ZNF618: variants seen among roughly 807,000 people sequenced by gnomAD.
ZNF618 encodes the protein zinc finger protein 618.
ZNF618 carries 34 observed loss-of-function variants against 103.0 expected under a neutral mutation model. The observed-to-expected ratio is 0.33, with a 90% CI of 0.25 to 0.44. ZNF618 has a LOEUF of 0.44. Ranked by LOEUF, ZNF618 falls within the 20% of genes least tolerant of loss-of-function variation. The pLI is 1.00. For missense variants in ZNF618, 1,059 were observed against 1,295.4 expected, an observed-to-expected ratio of 0.82 and a Z score of 2.80; for synonymous variants, 551 against 542.2, an observed-to-expected ratio of 1.02 and a Z score of -0.23.
intron 13 of ZNF618, among the ~76,000 whole-genome samples, chr9:114,038,685 A>G (rs538431758): frequency 1.3e-5 from 2 of 149,910 alleles, no homozygotes; most frequent in South Asian, 2.1e-4. Context: ...TTTGGCAGTA[A>G]TAATACCAAA....
rs190795232 is a variant in ZNF618, at chr9:113,923,382, G to A, written c.34-45735G>A. Among the ~76,000 whole-genome samples, 659 of 152,260 alleles carry A rather than the reference G, an allele frequency of 4.3e-3. 2 individuals are homozygous for A. Among genetic ancestry groups the A allele is most frequent in the Non-Finnish European group, 5.7e-3 (386 of 67,992 alleles). ...TTTGCCTTGTTCCCGATCTTAGGGG[G>A]AAGACATTTAGTTTCTCTCCGTTAA... On this transcript the variant is annotated intron_variant, in intron 1 of 14. Coordinates refer to ENST00000374126, the MANE Select transcript of ZNF618 (RefSeq NM_001318042.2).
intron 1 of ZNF618, among the ~76,000 whole-genome samples, chr9:113,883,891 C>T (rs1390695793): frequency 2.1e-5 from 3 of 140,496 alleles, no homozygotes; most frequent in South Asian, 2.3e-4. Context: ...TTGAAAGCAT[C>T]TTGGGATTGA....
intron 1 of ZNF618, among the ~76,000 whole-genome samples, chr9:113,960,630 G>A (rs572864332): frequency 2.6e-5 from 4 of 152,304 alleles, no homozygotes; most frequent in South Asian, 2.1e-4. Flanking sequence ...ACTGAGAGGC[G>A]TAAAGAAAGT....
intron 1 of ZNF618, among the ~76,000 whole-genome samples, chr9:113,968,268 T>C (rs1460618966): frequency 6.6e-6 from 1 of 152,192 alleles, no homozygotes; most frequent in Non-Finnish European, 1.5e-5. Flanking sequence ...TGTTTCAAAA[T>C]ATAAGACATA....
At position 114,002,605 on chromosome 9, in the gene ZNF618, T is replaced by C; in HGVS notation, c.512-19T>C. 1 of 1,326,098 alleles carries C rather than the reference T, an allele frequency of 7.5e-7. No individual in the cohort carries two copies. Among genetic ancestry groups the C allele is most frequent in the Non-Finnish European group, 1.0e-6 (1 of 958,660 alleles). 82.1% of individuals were successfully genotyped at this position (1,326,098 alleles called of 1,614,324 possible). A position where few individuals can be genotyped will look rare whatever the true frequency, so the allele number is the denominator to read the frequency against. The stretch of plus-strand genomic sequence containing the variant: ...GGCCCGGTAGCCCCACCCCCATCCC[T>C]CTCTCTCTCTCTTTGCAGACACCGA... On this transcript the variant is annotated intron_variant, in intron 5 of 14. Transcript: ENST00000374126.
intron 1 of ZNF618, among the ~76,000 whole-genome samples, chr9:113,939,475 A>G (rs1399004817): frequency 6.6e-6 from 1 of 152,096 alleles, no homozygotes; most frequent in Non-Finnish European, 1.5e-5. Context: ...TATCTTTCCC[A>G]GTTCTAATGT....
intron 1 of ZNF618, 81 bp downstream of exon 1, chr9:113,876,494 A>G: frequency 9.2e-7 from 1 of 1,082,338 alleles, no homozygotes; most frequent in Non-Finnish European, 1.2e-6. Context: ...ACTTCATTGC[A>G]AGATTTGCAA....
chr9:114,011,643 G>A (rs1291685104), intron 9 of ZNF618, among the ~76,000 whole-genome samples: 2 of 152,244 alleles, frequency 1.3e-5, no homozygotes, highest in African/African-American at 4.8e-5. Context: ...AGAGGCACAC[G>A]TGTTCTGAAG....
At chr9:113,896,648 C>T (rs567619227) in intron 1 of ZNF618, among the ~76,000 whole-genome samples, 3 of 152,046 alleles carry the variant, frequency 2.0e-5, no homozygotes, top group Admixed American at 6.5e-5. Context: ...TTTTCAGATT[C>T]CCCATAGGGC....
At chr9:113,992,529 G>A (rs935916058) in intron 3 of ZNF618, among the ~76,000 whole-genome samples, 6 of 152,170 alleles carry the variant, frequency 3.9e-5, no homozygotes, top group Admixed American at 2.0e-4. Context: ...GGGAGTTAAC[G>A]TGTTCCTGGG....
At chr9:114,002,248 T>C (rs1841296775) in intron 5 of ZNF618, among the ~76,000 whole-genome samples, 175 bp downstream of exon 5, 1 of 152,182 alleles carries the variant, frequency 6.6e-6, no homozygotes, top group African/African-American at 2.4e-5. Flanking sequence ...GGAGGCCTCC[T>C]GATGCGGGAC....
chr9:114,028,310 T>G (rs991370847), intron 10 of ZNF618: 47 of 184,164 alleles, frequency 2.6e-4, no homozygotes, highest in South Asian at 1.2e-4. Context: ...CCCCTCTGCC[T>G]CACCCCCAGC....
intron 10 of ZNF618, among the ~76,000 whole-genome samples, chr9:114,021,239 C>T (rs1843045084): frequency 6.6e-6 from 1 of 151,936 alleles, no homozygotes; most frequent in African/African-American, 2.4e-5. Flanking sequence ...TCTGTTTTTT[C>T]TTAATAGGGT....
chr9:113,882,900 C>T (rs1828665051), intron 1 of ZNF618, among the ~76,000 whole-genome samples: 1 of 152,144 alleles, frequency 6.6e-6, no homozygotes, highest in Admixed American at 6.5e-5. Flanking sequence ...CAAATTTCCC[C>T]AGGTAGGCTT....
intron 1 of ZNF618, among the ~76,000 whole-genome samples, chr9:113,940,954 A>ATTTTGG (rs1038849108): frequency 5.3e-5 from 8 of 152,028 alleles, no homozygotes; most frequent in Admixed American, 5.2e-4. Context: ...CTGCCACGTA[A>ATTTTGG]TTTTGGTTTT....
At chr9:114,017,290 G>A (rs915383151) in intron 10 of ZNF618, among the ~76,000 whole-genome samples, 1 of 152,106 alleles carries the variant, frequency 6.6e-6, no homozygotes, top group African/African-American at 2.4e-5. Context: ...TCAAGCCCTG[G>A]CTGTTAATCC....
In ZNF618 at chr9:113,879,293, A is replaced by G. The variant is rs1009333144; in HGVS notation, c.33+2880A>G. ...TGTGGCCTGGATCTCCTGACACACA[A>G]TTCAGCTTCCTTCATTCCATTCTGC... is the stretch of plus-strand genomic sequence containing the variant. On this transcript the variant is annotated intron_variant, in intron 1 of 14. Transcript: ENST00000374126. Among the ~76,000 whole-genome samples the G allele has an allele frequency of 5.3e-5, 8 of 151,372 alleles. No individual in the cohort carries two copies. The East Asian group carries it at 5.8e-4, about 11-fold the overall frequency.
chr9:113,923,454 G>A (rs933393824), intron 1 of ZNF618, among the ~76,000 whole-genome samples: 4 of 152,088 alleles, frequency 2.6e-5, no homozygotes, highest in African/African-American at 7.2e-5. Context: ...TGATCAAGTT[G>A]AGGAAGTTAC....
intron 1 of ZNF618, among the ~76,000 whole-genome samples, chr9:113,892,718 A>G (rs1829718432): frequency 6.6e-6 from 1 of 152,182 alleles, no homozygotes; most frequent in Non-Finnish European, 1.5e-5. Context: ...CTATTTTTTT[A>G]TATAGGTTTT....
Sources: allele counts gnomAD v4.1 joint callset (sites outside exome capture counted in the v4.1 genomes callset), GRCh38; gene constraint gnomAD v4.1.1; transcripts MANE v1.5; gene names NCBI Gene and HGNC (gene_info 2026-07-23, HGNC 2026-07-21).